The following ETFDH variants were observed in gnomAD, a reference collection of about 807,000 sequenced individuals.
ETFDH encodes electron transfer flavoprotein-ubiquinone oxidoreductase, mitochondrial.
Under a neutral mutation model 73.2 loss-of-function variants are expected in ETFDH, and 61 were observed. The ratio of observed to expected loss-of-function variants is 0.83; its 90% CI spans 0.68 to 1.03. The LOEUF (loss-of-function observed/expected upper bound fraction) is 1.03, where lower values mean the gene tolerates loss of function less well. ETFDH is among the 50% of genes least tolerant of loss of function. ETFDH has a pLI of 0.00. For synonymous variants in ETFDH, 243 were observed against 253.3 expected (o/e 0.96, Z 0.39); for missense variants, 685 against 745.0 (o/e 0.92, Z 0.94).
chr4:158,704,035 G>C (rs969410372), intron 10 of ETFDH, among the ~76,000 whole-genome samples: 5 of 152,314 alleles, frequency 3.3e-5, no homozygotes, highest in Admixed American at 3.3e-4. Flanking sequence ...GGAGGTGGAG[G>C]TTGCAGTGAG....
chr4:158,692,230 G>GA lies in ETFDH; in HGVS notation c.684+1815dup, dbSNP rs946088804. Among the ~76,000 whole-genome samples the GA allele has an allele frequency of 3.8e-4, 56 of 147,596 alleles. 1 individual carries two copies. Among genetic ancestry groups the GA allele is most frequent in the African/African-American group, 6.5e-4 (26 of 40,282 alleles). ...AACACGGTGAAACCCTGTCCCTACT[G>GA]AAAAAAAAAATACAAAAAAATTAGC... On this transcript the variant is annotated intron_variant, in intron 6 of 12. Coordinates refer to ENST00000511912, the MANE Select transcript of ETFDH (RefSeq NM_004453.4).
chr4:158,698,244 T>G (rs1482089648), intron 8 of ETFDH, among the ~76,000 whole-genome samples: 1 of 152,208 alleles, frequency 6.6e-6, no homozygotes, highest in East Asian at 1.9e-4. Flanking sequence ...TTAGTTTCTG[T>G]ACCTTGCAAC....
Position 158,680,608 on chromosome 4 carries a change from G to A in ETFDH, c.175+1G>A. On this transcript the variant is annotated splice_donor_variant, in intron 2 of 12. Transcript: ENST00000511912. LOFTEE classifies it high-confidence loss of function. ...CGGGATAAGGACAAGAGATGGGAAG[G>A]TAAGTAATAATTTGTGTACAATTCC... 1 of 1,608,700 alleles carries A rather than the reference G, an allele frequency of 6.2e-7. No homozygotes were observed. Among genetic ancestry groups the A allele is most frequent in the Non-Finnish European group, 8.5e-7 (1 of 1,175,254 alleles).
chr4:158,678,237 T>C (rs1238012382), intron 1 of ETFDH, among the ~76,000 whole-genome samples: 3 of 152,212 alleles, frequency 2.0e-5, no homozygotes, highest in Admixed American at 2.0e-4. Context: ...TTGCCTTTAG[T>C]TGGCAGGTCT....
In ETFDH at chr4:158,682,353, C is replaced by T; in HGVS notation, c.334C>T (p.His112Tyr). 2.5e-6 allele frequency: 4 copies of T among 1,614,140 alleles called. No individual in the cohort carries two copies. The highest frequency in any genetic ancestry group is 3.4e-6 in the Non-Finnish European group (4 of 1,180,006). Residue 112 changes from histidine (H) to tyrosine (Y), a missense_variant, in exon 3 of 13, where the codon CAT (histidine) becomes TAT (tyrosine). By Grantham distance (83) the His-to-Tyr change is moderately conservative (BLOSUM62 2). Transcript: ENST00000511912. ...GGAGAAAGCTGCCCAGATAGGAGCT[C>T]ATACTCTCTCAGGGGCTTGCCTTGA... ...LVEKAAQIGA[H>Y]TLSGACLDPG...
chr4:158,686,870 C>T (rs1029484404), intron 5 of ETFDH, among the ~76,000 whole-genome samples: 2 of 152,114 alleles, frequency 1.3e-5, no homozygotes, highest in African/African-American at 4.8e-5. Context: ...GAAAAATTGG[C>T]TCACAAGAGG....
intron 10 of ETFDH, among the ~76,000 whole-genome samples, chr4:158,705,697 T>C (rs891886145): frequency 1.4e-4 from 22 of 152,338 alleles, no homozygotes; most frequent in Non-Finnish European, 2.8e-4. Context: ...TAATAACATA[T>C]CTATATCTAA....
At chr4:158,699,993 T>C (rs1774414808) in intron 9 of ETFDH, among the ~76,000 whole-genome samples, 2 of 152,184 alleles carry the variant, frequency 1.3e-5, no homozygotes, top group Non-Finnish European at 2.9e-5. Flanking sequence ...AGCAAGTTCT[T>C]TAACTTTGGC....
Position 158,708,625 on chromosome 4 carries a change from G to T in ETFDH, c.*98G>T. The T allele has an allele frequency of 1.0e-6, 1 of 977,618 alleles. No individual in the cohort carries two copies. Among genetic ancestry groups the T allele is most frequent in the Admixed American group, 1.9e-5 (1 of 52,056 alleles). The allele number at this position is 977,618 out of a possible 1,614,324, so 60.6% of individuals were successfully genotyped here. On this transcript the variant is annotated 3_prime_UTR_variant, in exon 13 of 13. Coordinates refer to ENST00000511912, the MANE Select transcript of ETFDH (RefSeq NM_004453.4). ...ATGTCTTTCTGCATATTACTGAACAGAATAGTCACAAAATGATTATCAAAT... is the reference window on the plus strand; with the variant it reads ...ATGTCTTTCTGCATATTACTGAACATAATAGTCACAAAATGATTATCAAAT...
intron 5 of ETFDH, among the ~76,000 whole-genome samples, chr4:158,686,236 T>C (rs190737772): frequency 6.6e-6 from 1 of 152,076 alleles, no homozygotes; most frequent in Non-Finnish European, 1.5e-5. Flanking sequence ...TGAGCCCCAA[T>C]AGCAGAAAGG....
intron 1 of ETFDH, among the ~76,000 whole-genome samples, chr4:158,678,429 A>C (rs1399807595): frequency 6.6e-6 from 1 of 152,122 alleles, no homozygotes; most frequent in Non-Finnish European, 1.5e-5. Context: ...GAGATAAAGA[A>C]CCCTTTTCAC....
Position 158,682,163 on chromosome 4 carries a change from T to C in ETFDH, c.176-32T>C, listed in dbSNP as rs1260001171. On this transcript the variant is annotated intron_variant, in intron 2 of 12. Coordinates refer to ENST00000511912, the MANE Select transcript of ETFDH (RefSeq NM_004453.4). ...GTGATTTATCATGTGATTATTGGGT[T>C]ATATTAATCCCAGAATTTTTATTTC... 3 of 1,612,492 alleles carry C rather than the reference T, an allele frequency of 1.9e-6. No homozygotes were observed. The Admixed American group carries it at 5.0e-5, about 27-fold the overall frequency.
intron 6 of ETFDH, among the ~76,000 whole-genome samples, chr4:158,692,633 C>T (rs139601604): frequency 0.012 from 1,790 of 151,408 alleles, 27 homozygotes; most frequent in African/African-American, 0.039. Context: ...TCATATATTA[C>T]GGTTCTTTTC....
chr4:158,687,767 G>A (rs779070129), intron 5 of ETFDH, among the ~76,000 whole-genome samples: 8 of 152,320 alleles, frequency 5.3e-5, no homozygotes, highest in East Asian at 1.9e-4. Context: ...TTGGCCGGGC[G>A]CAGTGGCTCA....
At chr4:158,685,338 T>C (rs753905792) in intron 5 of ETFDH, 119 bp downstream of exon 5, 3 of 692,662 alleles carry the variant, frequency 4.3e-6, no homozygotes, top group African/African-American at 3.7e-5. Context: ...TTTAGAATTA[T>C]AAGATTAGAA....
At chr4:158,674,211 ATATCTT>A (rs1335441987) in intron 1 of ETFDH, among the ~76,000 whole-genome samples, 8 of 152,184 alleles carry the variant, frequency 5.3e-5, no homozygotes, top group Non-Finnish European at 7.3e-5. Context: ...GAGTTCTAGA[ATATCTT>A]TATGTATTTA....
chr4:158,695,216 G>A (rs1774278221), intron 6 of ETFDH, among the ~76,000 whole-genome samples: 1 of 152,108 alleles, frequency 6.6e-6, no homozygotes, highest in African/African-American at 2.4e-5. Context: ...AGAGGAGCTG[G>A]ATAATCTATC....
chr4:158,709,190 G>A lies in ETFDH; in HGVS notation c.*663G>A, dbSNP rs1290528901. ...TGTCTTTACAAGTTTAAAAAGACTG[G>A]ACACCATTATTTTTTATGAATAATG... On this transcript the variant is annotated 3_prime_UTR_variant, in exon 13 of 13. Coordinates refer to ENST00000511912, the MANE Select transcript of ETFDH (RefSeq NM_004453.4). The A allele has an allele frequency of 1.3e-5, 2 of 152,756 alleles. No homozygotes were observed. Among genetic ancestry groups the A allele is most frequent in the Non-Finnish European group, 2.9e-5 (2 of 68,584 alleles). The allele number at this position is 152,756 out of a possible 1,614,324, so 9.5% of individuals were successfully genotyped here. A position where few individuals can be genotyped will look rare whatever the true frequency, so the allele number is the denominator to read the frequency against.
intron 8 of ETFDH, among the ~76,000 whole-genome samples, chr4:158,698,525 T>G (rs1269063171): frequency 6.6e-6 from 1 of 152,202 alleles, no homozygotes; most frequent in African/African-American, 2.4e-5. Flanking sequence ...TTGCCCCAGT[T>G]GTACTGTAGT....
Sources: gnomAD v4.1 joint callset for allele counts (sites outside exome capture counted in the v4.1 genomes callset) on GRCh38, gnomAD v4.1.1 for gene constraint, MANE v1.5 for transcripts, NCBI Gene and HGNC (gene_info 2026-07-23, HGNC 2026-07-21) for gene names.